The following SRGAP2 variants were observed in gnomAD, a reference collection of about 807,000 sequenced individuals.
The protein encoded by SRGAP2 is SLIT-ROBO Rho GTPase-activating protein 2.
SRGAP2 carries 15 observed loss-of-function variants against 57.2 expected under a neutral mutation model. The ratio of observed to expected loss-of-function variants is 0.26; its 90% confidence interval spans 0.18 to 0.40. The LOEUF is 0.40. Among genes scored for constraint, SRGAP2 ranks in the 10% least tolerant of loss-of-function variants. SRGAP2 has a pLI of 1.00. For synonymous variants in SRGAP2, 249 were observed against 248.0 expected, an observed-to-expected ratio of 1.00 and a Z score of -0.04; for missense variants, 520 against 669.6, an observed-to-expected ratio of 0.78 and a Z score of 2.47.
chr1:206,416,772 C>T (rs958584868), intron 11 of SRGAP2, among the ~76,000 whole-genome samples: 33 of 152,274 alleles, frequency 2.2e-4, no homozygotes, highest in Admixed American at 9.8e-4. Flanking sequence ...CCGCCCCCCC[C>T]TCCCTGCCCC....
chr1:206,265,791 C>T (rs1323859554), intron 2 of SRGAP2, among the ~76,000 whole-genome samples: 3 of 151,568 alleles, frequency 2.0e-5, no homozygotes. Flanking sequence ...AATTATTTTT[C>T]ATAAAGTGAA....
chr1:206,457,636 C>G (rs1663949260), intron 21 of SRGAP2, among the ~76,000 whole-genome samples: 1 of 152,208 alleles, frequency 6.6e-6, no homozygotes, highest in African/African-American at 2.4e-5. Context: ...CATGCCAGGT[C>G]CTGGGCCAGG....
At chr1:206,365,445 T>A (rs561198178) in intron 4 of SRGAP2, among the ~76,000 whole-genome samples, 1 of 152,292 alleles carries the variant, frequency 6.6e-6, no homozygotes, top group South Asian at 2.1e-4. Flanking sequence ...AAGGAATGGT[T>A]ACATGTCCCA....
intron 3 of SRGAP2, among the ~76,000 whole-genome samples, chr1:206,341,627 G>A (rs1553335244): frequency 6.6e-6 from 1 of 151,724 alleles, no homozygotes; most frequent in African/African-American, 2.4e-5. Flanking sequence ...ACTTCCAAAT[G>A]TAGAACTTTC....
chr1:206,400,913 T>G (rs1300542072), intron 7 of SRGAP2, among the ~76,000 whole-genome samples: 143 of 91,306 alleles, frequency 1.6e-3, no homozygotes, highest in Non-Finnish European at 2.6e-3. Flanking sequence ...CAGCTCCCCA[T>G]TCTCTCCTTC....
chr1:206,431,467 A>C (rs909717154), intron 14 of SRGAP2, among the ~76,000 whole-genome samples: 5 of 152,242 alleles, frequency 3.3e-5, no homozygotes, highest in African/African-American at 1.2e-4. Flanking sequence ...GTAATGATTA[A>C]CAGTCAAACA....
chr1:206,286,452 A>G (rs1221564958), intron 2 of SRGAP2, among the ~76,000 whole-genome samples: 2 of 150,998 alleles, frequency 1.3e-5, no homozygotes, highest in Non-Finnish European at 3.0e-5. Flanking sequence ...CCCATCACCC[A>G]AAAAACAGCT....
At chr1:206,289,304 G>T (rs1215323317) in intron 2 of SRGAP2, among the ~76,000 whole-genome samples, 1 of 136,150 alleles carries the variant, frequency 7.3e-6, no homozygotes, top group Non-Finnish European at 1.5e-5. Flanking sequence ...ACGGAGTCTC[G>T]CTCTGTCGCC....
At chr1:206,398,969 A>G (rs1657883362) in intron 7 of SRGAP2, among the ~76,000 whole-genome samples, 1 of 152,054 alleles carries the variant, frequency 6.6e-6, no homozygotes, top group Non-Finnish European at 1.5e-5. Flanking sequence ...ATTTGGAGCT[A>G]TATTAGTATT....
intron 14 of SRGAP2, among the ~76,000 whole-genome samples, chr1:206,436,094 GA>G (rs1367794011): frequency 1.5e-5 from 2 of 137,284 alleles, no homozygotes; most frequent in African/African-American, 5.7e-5. Context: ...ATTTTGGGGG[GA>G]TTTTTTTTTT....
intron 2 of SRGAP2, among the ~76,000 whole-genome samples, chr1:206,292,444 A>G (rs1671381577): frequency 6.6e-6 from 1 of 151,858 alleles, no homozygotes; most frequent in South Asian, 2.1e-4. Context: ...AGCCATTGCA[A>G]CAGGAACTGG....
At chr1:206,432,387 A>G (rs1661349156) in intron 14 of SRGAP2, among the ~76,000 whole-genome samples, 1 of 152,240 alleles carries the variant, frequency 6.6e-6, no homozygotes, top group South Asian at 2.1e-4. Context: ...AAAACTTCAT[A>G]TGCACTTACG....
intron 3 of SRGAP2, among the ~76,000 whole-genome samples, chr1:206,326,722 C>T (rs2102856060): frequency 6.6e-6 from 1 of 152,366 alleles, no homozygotes; most frequent in Admixed American, 6.5e-5. Flanking sequence ...CCTTCTAGCT[C>T]TGAAATTCCA....
chr1:206,306,412 G>T (rs1178034348), intron 3 of SRGAP2, among the ~76,000 whole-genome samples: 1 of 151,998 alleles, frequency 6.6e-6, no homozygotes, highest in Non-Finnish European at 1.5e-5. Context: ...TTGTGGCCTC[G>T]CTGGGCTCAG....
chr1:206,210,900 A>G (rs1666276167), intron 2 of SRGAP2, among the ~76,000 whole-genome samples: 1 of 152,002 alleles, frequency 6.6e-6, no homozygotes, highest in Non-Finnish European at 1.5e-5. Flanking sequence ...GGAAAAAACA[A>G]CAACAAAAAA....
At chr1:206,243,839 A>G (rs1355505056) in intron 2 of SRGAP2, among the ~76,000 whole-genome samples, 5 of 146,782 alleles carry the variant, frequency 3.4e-5, no homozygotes, top group African/African-American at 1.3e-4. Context: ...GCAATTTATA[A>G]TAAATGCTCT....
At chr1:206,457,513 G>T (rs781840134) in intron 21 of SRGAP2, among the ~76,000 whole-genome samples, 1 of 152,188 alleles carries the variant, frequency 6.6e-6, no homozygotes, top group Non-Finnish European at 1.5e-5. Flanking sequence ...GCAGAGAGGG[G>T]GTTCATTTCA....
At chr1:206,417,023 T>A (rs1461031234) in intron 11 of SRGAP2, among the ~76,000 whole-genome samples, 7 of 152,168 alleles carry the variant, frequency 4.6e-5, no homozygotes, top group East Asian at 1.9e-4. Flanking sequence ...CCTACCCACC[T>A]TTTTTGCCCT....
At chr1:206,220,800 G>T (rs1385909055) in intron 2 of SRGAP2, among the ~76,000 whole-genome samples, 1 of 152,116 alleles carries the variant, frequency 6.6e-6, no homozygotes, top group Middle Eastern at 3.2e-3. Context: ...AACTTTCAAG[G>T]CGTTGGCTTA....
Sources: allele counts gnomAD v4.1 joint callset (sites outside exome capture counted in the v4.1 genomes callset), GRCh38; gene constraint gnomAD v4.1.1; transcripts MANE v1.5; gene names NCBI Gene and HGNC (gene_info 2026-07-23, HGNC 2026-07-21).